Variants in CHAD observed in about 807,000 individuals in gnomAD.
The protein encoded by CHAD is chondroadherin, also known as cartilage leucine-rich protein.
In CHAD, 18 loss-of-function variants were observed where a neutral mutation model predicts 24.0. The observed-to-expected ratio is 0.75, with a 90% CI of 0.52 to 1.11. The LOEUF (loss-of-function observed/expected upper bound fraction) is 1.11. CHAD is among the 50% of genes most tolerant of loss of function. CHAD has a pLI of 0.00. For synonymous variants in CHAD, 195 were observed against 211.6 expected, an observed-to-expected ratio of 0.92 and a Z score of 0.68; for missense variants, 440 against 467.2, an observed-to-expected ratio of 0.94 and a Z score of 0.54.
chr17:50,467,240 C>T (rs145753088), intron 1 of CHAD, among the ~76,000 whole-genome samples: 136 of 152,296 alleles, frequency 8.9e-4, no homozygotes, highest in African/African-American at 3.1e-3. Flanking sequence ...GGTCTAGTGA[C>T]GGAGGAGGGC....
At chr17:50,466,335 C>T (rs1196317200) in intron 1 of CHAD, among the ~76,000 whole-genome samples, 10 of 152,218 alleles carry the variant, frequency 6.6e-5, no homozygotes, top group Admixed American at 2.6e-4. Flanking sequence ...GTGATCTACC[C>T]GCCTCAGCCT....
intron 1 of CHAD, 133 bp downstream of exon 1, chr17:50,467,907 G>C (rs1192212269): frequency 1.2e-6 from 1 of 856,968 alleles, no homozygotes; most frequent in East Asian, 2.6e-5. Flanking sequence ...AGGTGGCAGA[G>C]CTGCTCACCT....
At position 50,468,848 on chromosome 17, in the gene CHAD, A is replaced by AGCGGCGGCGGGGCGCGG; in HGVS notation, c.-52_-36dup. ...GCCTGGGGCCGGGGCTGGGGGCAGC[A>AGCGGCGGCGGGGCGCGG]GCGGCGGCGGGGCGCGGGCAGCGGC... is the stretch of plus-strand genomic sequence containing the variant. On this transcript the variant is annotated 5_prime_UTR_variant, in exon 1 of 4. Coordinates refer to ENST00000508540, the MANE Select transcript of CHAD (RefSeq NM_001267.3). 6.9e-7 allele frequency: 1 copy of AGCGGCGGCGGGGCGCGG among 1,455,364 alleles called. No individual in the cohort carries two copies. The highest frequency in any genetic ancestry group is 9.0e-7 in the Non-Finnish European group (1 of 1,113,272). 90.2% of individuals were successfully genotyped at this position (1,455,364 alleles called of 1,614,324 possible).
rs202128383 is a variant in CHAD, at chr17:50,468,817, T to C, written c.-4A>G. 1,867 of 1,516,218 alleles carry C rather than the reference T, an allele frequency of 1.2e-3. 18 individuals carry two copies. The African/African-American group carries it at 0.02, about 16-fold the overall frequency. The allele number at this position is 1,516,218 out of a possible 1,614,324, so 93.9% of individuals were successfully genotyped here. A position where few individuals can be genotyped will look rare whatever the true frequency, so the allele number is the denominator to read the frequency against. ...GCAAGAGCATTGGGCGGACCATGGC[T>C]GGGACGCCTGGGGCCGGGGCTGGGG... On this transcript the variant is annotated 5_prime_UTR_variant, in exon 1 of 4. Transcript: ENST00000508540.
chr17:50,466,621 C>T (rs1365102184), intron 1 of CHAD, among the ~76,000 whole-genome samples: 2 of 152,222 alleles, frequency 1.3e-5, no homozygotes, highest in Non-Finnish European at 2.9e-5. Flanking sequence ...GCAGTGGGCC[C>T]AGGCTCCCCA....
rs954129315 is a variant in CHAD, at chr17:50,468,799, C to T, written c.15G>A (p.Met5Ile). The T allele has an allele frequency of 4.5e-6, 7 of 1,549,062 alleles. No individual in the cohort carries two copies. The highest frequency in any genetic ancestry group is 1.2e-5 in the South Asian group (1 of 85,822). ...CCAGGAGGCCGAGGCTGAGCAAGAG[C>T]ATTGGGCGGACCATGGCTGGGACGC... MVRPMLLLSLGLLAG... is the reference protein window; with the variant it reads MVRPILLLSLGLLAG... Residue 5 changes from methionine (M) to isoleucine (I), a missense_variant, in exon 1 of 4, where the codon ATG (methionine) becomes ATA (isoleucine). Met to Ile is a conservative substitution (Grantham distance 10, BLOSUM62 1). Transcript: ENST00000508540.
In CHAD at chr17:50,465,380, T is replaced by C. The variant is rs866366427; in HGVS notation, c.998A>G (p.Lys333Arg). The change falls in exon 3 of 4, where the codon AAG (lysine) becomes AGG (arginine). Residue 333 changes from lysine to arginine, a missense_variant. Lys to Arg is a conservative substitution (Grantham distance 26). Transcript: ENST00000508540. Reference protein sequence around the residue: ...DATCASPAKFKGQHIRDTDAF... With the variant: ...DATCASPAKFRGQHIRDTDAF... ...GTCCGTGTCACGGATGTGCTGGCCC[T>C]TGAACTTGGCAGGTGAGGCACAGGT... 1.2e-6 allele frequency: 2 copies of C among 1,613,930 alleles called. No individual in the cohort carries two copies. The highest frequency in any genetic ancestry group is 1.7e-5 in the Admixed American group (1 of 60,010).
Position 50,468,150 on chromosome 17 carries a change from C to T in CHAD, c.664G>A (p.Glu222Lys), listed in dbSNP as rs745415755. ...SAALSKLRVV[E>K]ELKLSHNPLK... is the part of the protein sequence containing the mutation. The stretch of plus-strand genomic sequence containing the variant: ...GGGTTGTGGGACAGCTTCAGCTCCT[C>T]CACCACCCGTAGCTTGCTCAGGGCA... Residue 222 changes from glutamate to lysine, a missense_variant, in exon 1 of 4, where the codon GAG becomes AAG. Transcript: ENST00000508540. 1.2e-6 allele frequency: 2 copies of T among 1,614,186 alleles called. No homozygotes were observed. The highest frequency in any genetic ancestry group is 1.1e-5 in the South Asian group (1 of 91,068).
In CHAD at chr17:50,468,771, CAGCCAGGA is replaced by C; in HGVS notation, c.35_42del (p.Leu12ArgfsTer95). 6.3e-7 allele frequency: 1 copy of C among 1,583,552 alleles called. No homozygotes were observed. The highest frequency in any genetic ancestry group is 8.6e-7 in the Non-Finnish European group (1 of 1,169,400). On this transcript the variant is annotated frameshift_variant, in exon 1 of 4. Coordinates refer to ENST00000508540, the MANE Select transcript of CHAD (RefSeq NM_001267.3). LOFTEE classifies it high-confidence loss of function. Reference sequence around the variant, plus strand: ...CAGGCGGCCAGCGCCGGCAGCAGACCAGCCAGGAGGCCGAGGCTGAGCAAGAGCATTGG... The same window carrying C: ...CAGGCGGCCAGCGCCGGCAGCAGACCGGCCGAGGCTGAGCAAGAGCATTGG...
intron 3 of CHAD, 116 bp from the exon 4 acceptor site, chr17:50,465,165 C>A: frequency 9.1e-7 from 1 of 1,101,454 alleles, no homozygotes; most frequent in East Asian, 2.4e-5. Flanking sequence ...CCCAGTCGTC[C>A]CCTCCTCTCT....
Position 50,464,528 on chromosome 17 carries a change from A to G in CHAD, c.*526T>C, listed in dbSNP as rs558652489. 1 of 661,584 alleles carries G rather than the reference A, an allele frequency of 1.5e-6. No homozygotes were observed. Among genetic ancestry groups the G allele is most frequent in the East Asian group, 3.0e-5 (1 of 33,616 alleles). 41.0% of individuals were successfully genotyped at this position (661,584 alleles called of 1,614,324 possible). The stretch of plus-strand genomic sequence containing the variant: ...CATACATACATTTATATTTATAGAA[A>G]TCTCAGGAAGAAATTGCAGCATGGG... On this transcript the variant is annotated 3_prime_UTR_variant, in exon 4 of 4. Coordinates refer to ENST00000508540, the MANE Select transcript of CHAD (RefSeq NM_001267.3).
At chr17:50,465,467 G>A (rs1184358470) in intron 2 of CHAD, 28 bp from the exon 3 acceptor site, 4 of 1,612,230 alleles carry the variant, frequency 2.5e-6, no homozygotes, top group African/African-American at 2.7e-5. Flanking sequence ...TGCTGGGGCT[G>A]GGGAAGAAGG....
Position 50,464,774 on chromosome 17 carries a change from G to GGGA in CHAD, c.*279_*280insTCC, listed in dbSNP as rs1555611953. On this transcript the variant is annotated 3_prime_UTR_variant, in exon 4 of 4. Transcript: ENST00000508540. ...TGTTGTGGTTCTGATTGACTTGGGG[G>GGGA]GGGGGTCTCAGCAACAGCTTCTCCA... The GGGA allele has an allele frequency of 6.0e-6, 2 of 333,130 alleles. No individual in the cohort carries two copies. Among genetic ancestry groups the GGGA allele is most frequent in the Non-Finnish European group, 1.2e-5 (2 of 169,560 alleles). 20.6% of individuals were successfully genotyped at this position (333,130 alleles called of 1,614,324 possible). A position where few individuals can be genotyped will look rare whatever the true frequency, so the allele number is the denominator to read the frequency against.
rs906018310 is a variant in CHAD, at chr17:50,465,815, T to G, written c.830A>C (p.Asn277Thr). Residue 277 changes from asparagine to threonine, a missense_variant, in exon 2 of 4, where the codon AAC (asparagine) becomes ACC (threonine). Coordinates refer to ENST00000508540, the MANE Select transcript of CHAD (RefSeq NM_001267.3). The stretch of plus-strand genomic sequence containing the variant: ...GGAGGGTAGCTGGTTCAAGCGGTTG[T>G]TCTCCAAATGGACGTGTTTCAGCGT... Reference protein sequence around the residue: ...VTTLKHVHLENNRLNQLPSNF... With the variant: ...VTTLKHVHLETNRLNQLPSNF... 7.4e-6 allele frequency: 12 copies of G among 1,613,740 alleles called. No individual in the cohort carries two copies. Among genetic ancestry groups the G allele is most frequent in the Non-Finnish European group, 1.0e-5 (12 of 1,179,988 alleles).
chr17:50,465,629 C>T (rs1258736570), intron 2 of CHAD, 78 bp downstream of exon 2: 5 of 1,557,408 alleles, frequency 3.2e-6, no homozygotes, highest in Admixed American at 1.7e-5. Context: ...GATGCATGTC[C>T]AACATGTCTT....
rs1362729273 is a variant in CHAD, at chr17:50,468,441, G to C, written c.373C>G (p.Leu125Val). 1.2e-6 allele frequency: 2 copies of C among 1,614,152 alleles called. No individual in the cohort carries two copies. Among genetic ancestry groups the C allele is most frequent in the Non-Finnish European group, 8.5e-7 (1 of 1,180,056 alleles). ...RAGAFDDLTE[L>V]TYLYLDHNKV... is the part of the protein sequence containing the mutation. ...TTGTGGTCCAGGTAGAGGTAGGTCA[G>C]CTCGGTCAGGTCGTCGAAGGCACCT... The change falls in exon 1 of 4, where the codon CTG becomes GTG. Residue 125 changes from leucine to valine, a missense_variant. Transcript: ENST00000508540.
rs368834680 is a variant in CHAD at position 50,466,547 on chromosome 17, CAG to C, written c.775-679_775-678del. On this transcript the variant is annotated intron_variant, in intron 1 of 3. Transcript: ENST00000508540. ...ACAAACACTGGGACTGTGGGGCTGC[CAG>C]AGTTTGGCCCCAGCAATCCAAACTG... Among the ~76,000 whole-genome samples, 708 of 152,314 alleles carry C rather than the reference CAG, an allele frequency of 4.6e-3. 4 individuals carry two copies. The highest frequency in any genetic ancestry group is 0.017 in the African/African-American group (693 of 41,572).
Position 50,468,380 on chromosome 17 carries a change from G to A in CHAD, c.434C>T (p.Pro145Leu), listed in dbSNP as rs778831115. 8 of 1,614,146 alleles carry A rather than the reference G, an allele frequency of 5.0e-6. No individual in the cohort carries two copies. Among genetic ancestry groups the A allele is most frequent in the South Asian group, 1.1e-5 (1 of 91,086 alleles). Reference sequence around the variant, plus strand: ...CTGCAAGATGAAGAGGTTGACCAGCGGGGAGAGCAACCCCCGGGGCAGCTC... The same window carrying A: ...CTGCAAGATGAAGAGGTTGACCAGCAGGGAGAGCAACCCCCGGGGCAGCTC... The part of the protein sequence containing the change: ...VTELPRGLLS[P>L]LVNLFILQLN... Residue 145 changes from proline to leucine, a missense_variant, in exon 1 of 4, where the codon CCG becomes CTG. Pro to Leu is a moderately conservative substitution (Grantham distance 98, BLOSUM62 -3). Transcript: ENST00000508540.
At chr17:50,467,782 T>A (rs573769070) in intron 1 of CHAD, 10 of 402,146 alleles carry the variant, frequency 2.5e-5, no homozygotes, top group African/African-American at 2.0e-4. Flanking sequence ...CTAGGGGGCC[T>A]TTTGTGGGGC....
Sources: gnomAD v4.1 joint callset for allele counts (sites outside exome capture counted in the v4.1 genomes callset) on GRCh38, gnomAD v4.1.1 for gene constraint, MANE v1.5 for transcripts, NCBI Gene and HGNC (gene_info 2026-07-23, HGNC 2026-07-21) for gene names.